The following XPO7 variants were observed in gnomAD, a reference collection of about 807,000 sequenced individuals.
XPO7 encodes exportin 7, also known as exportin-7.
In XPO7, 21 loss-of-function variants were observed where a neutral mutation model predicts 144.3. The ratio of observed to expected loss-of-function variants is 0.15; its 90% CI spans 0.10 to 0.21. The LOEUF (loss-of-function observed/expected upper bound fraction) is 0.21. Ranked by LOEUF, XPO7 falls within the 10% of genes least tolerant of loss-of-function variation. The pLI is 1.00. For synonymous variants in XPO7, 580 were observed against 499.6 expected, an observed-to-expected ratio of 1.16 and a Z score of -2.15; for missense variants, 808 against 1,325.8, an observed-to-expected ratio of 0.61 and a Z score of 6.06.
At chr8:21,939,354 C>T (rs1287240664) in intron 1 of XPO7, among the ~76,000 whole-genome samples, 1 of 151,742 alleles carries the variant, frequency 6.6e-6, no homozygotes, top group Non-Finnish European at 1.5e-5. Flanking sequence ...CCCGAGTAGC[C>T]GGATTACAGG....
intron 1 of XPO7, among the ~76,000 whole-genome samples, chr8:21,923,696 C>G (rs1014439654): frequency 9.2e-5 from 14 of 151,556 alleles, no homozygotes; most frequent in Non-Finnish European, 1.8e-4. Flanking sequence ...CAGGAAGATC[C>G]CTGTTCTATA....
At chr8:21,958,405 G>A (rs1400706470) in intron 1 of XPO7, among the ~76,000 whole-genome samples, 1 of 152,172 alleles carries the variant, frequency 6.6e-6, no homozygotes, top group African/African-American at 2.4e-5. Context: ...AAACCATATT[G>A]TTGATTTATT....
chr8:21,928,410 C>A (rs929351152), intron 1 of XPO7, among the ~76,000 whole-genome samples: 1 of 152,242 alleles, frequency 6.6e-6, no homozygotes, highest in Non-Finnish European at 1.5e-5. Context: ...ATATACCAGT[C>A]TCTGTATGGA....
rs775993582 is a variant in XPO7, at chr8:21,977,801, T to C, written c.795T>C (p.Phe265=). ...TAGATTCTTCAACCTTGCAGCTGTT[T>C]TTTGACCTGTATCATTCCATCCCTC... ...AFLDSSTLQL[F]FDLYHSIPPS... is the part of the protein sequence containing the mutation. The change falls in exon 8 of 28, where the codon TTT becomes TTC. Residue 265 remains phenylalanine, a synonymous_variant. Transcript: ENST00000252512. 1 of 1,614,038 alleles carries C rather than the reference T, an allele frequency of 6.2e-7. No homozygotes were observed. Among genetic ancestry groups the C allele is most frequent in the South Asian group, 1.1e-5 (1 of 91,070 alleles).
At chr8:21,978,917 G>C (rs956357903) in intron 8 of XPO7, among the ~76,000 whole-genome samples, 1 of 152,216 alleles carries the variant, frequency 6.6e-6, no homozygotes, top group Non-Finnish European at 1.5e-5. Flanking sequence ...AGGGAGCTTG[G>C]CTGCTCTCCT....
intron 15 of XPO7, among the ~76,000 whole-genome samples, chr8:21,988,095 T>G (rs1215244584): frequency 6.6e-6 from 1 of 152,232 alleles, no homozygotes; most frequent in Non-Finnish European, 1.5e-5. Flanking sequence ...CTCTTTAGCC[T>G]CTGGAATCAC....
intron 7 of XPO7, 106 bp from the exon 8 acceptor site, chr8:21,977,664 G>T: frequency 9.8e-7 from 1 of 1,016,616 alleles, no homozygotes; most frequent in Non-Finnish European, 1.5e-6. Flanking sequence ...TACTCTGTAA[G>T]ATAAGTAGGC....
chr8:21,954,812 G>A (rs866064131), intron 1 of XPO7, among the ~76,000 whole-genome samples: 1 of 152,170 alleles, frequency 6.6e-6, no homozygotes. Flanking sequence ...TATCTAGCCA[G>A]TAGGTTATCA....
chr8:21,947,719 T>C (rs1391659419), intron 1 of XPO7, among the ~76,000 whole-genome samples: 3 of 152,184 alleles, frequency 2.0e-5, no homozygotes, highest in Non-Finnish European at 2.9e-5. Flanking sequence ...TAAATTAGGC[T>C]GTGTTAAAAT....
Position 21,989,821 on chromosome 8 carries a change from CTTTTTTTTTTTTTTTTTTTT to C in XPO7, c.1869-496_1869-477del, listed in dbSNP as rs1170364778. Among the ~76,000 whole-genome samples, 83 of 59,702 alleles carry C rather than the reference CTTTTTTTTTTTTTTTTTTTT, an allele frequency of 1.4e-3. 6 individuals are homozygous for C. Among genetic ancestry groups the C allele is most frequent in the African/African-American group, 3.2e-3 (67 of 20,688 alleles). 39.2% of individuals were successfully genotyped at this position (59,702 alleles called of 152,430 possible). ...AATAGGAGTTTGGTATAGGTGTTTCCTTTTTTTTTTTTTTTTTTTTTTTTTTTTTTTTTTTTTTTTTTTTT... is the reference window on the plus strand; with the variant it reads ...AATAGGAGTTTGGTATAGGTGTTTCCTTTTTTTTTTTTTTTTTTTTTTTTT... On this transcript the variant is annotated intron_variant, in intron 16 of 27. Transcript: ENST00000252512.
chr8:21,927,558 T>G, intron 1 of XPO7, among the ~76,000 whole-genome samples: 2 of 139,094 alleles, frequency 1.4e-5, no homozygotes, highest in East Asian at 2.2e-4. Flanking sequence ...TTTTTTTTTT[T>G]TCTTAAGATG....
chr8:21,953,505 A>G (rs777205907), intron 1 of XPO7, among the ~76,000 whole-genome samples: 1 of 152,232 alleles, frequency 6.6e-6, no homozygotes, highest in Non-Finnish European at 1.5e-5. Context: ...TTGTGTAGAC[A>G]TAAGTTTTCA....
chr8:21,943,564 G>C (rs1389009926), intron 1 of XPO7, among the ~76,000 whole-genome samples: 2 of 152,176 alleles, frequency 1.3e-5, no homozygotes, highest in African/African-American at 4.8e-5. Context: ...ATTAAAGGGT[G>C]AGTCATTTTG....
intron 11 of XPO7, 40 bp from the exon 12 acceptor site, chr8:21,984,606 T>C: frequency 6.5e-7 from 1 of 1,541,530 alleles, no homozygotes; most frequent in Middle Eastern, 1.7e-4. Context: ...TCAGTAGTCA[T>C]ATTTTAAGAG....
intron 1 of XPO7, among the ~76,000 whole-genome samples, chr8:21,964,969 A>AGT (rs753345838): frequency 7.7e-4 from 117 of 152,268 alleles, no homozygotes; most frequent in Non-Finnish European, 1.2e-3. Flanking sequence ...CTGTTCAGGG[A>AGT]GTGTCTGTTC....
intron 24 of XPO7, 127 bp downstream of exon 24, chr8:21,999,801 T>A: frequency 8.2e-7 from 1 of 1,213,578 alleles, no homozygotes; most frequent in Non-Finnish European, 1.2e-6. Context: ...GCCATAACAA[T>A]AGAGTATATA....
intron 1 of XPO7, among the ~76,000 whole-genome samples, chr8:21,962,247 A>G (rs538613872): frequency 3.2e-4 from 49 of 152,356 alleles, no homozygotes; most frequent in Non-Finnish European, 5.9e-4. Context: ...TCTATAAACC[A>G]AGATGACTTT....
chr8:21,972,401 C>T (rs199844140), intron 5 of XPO7, among the ~76,000 whole-genome samples: 2 of 152,018 alleles, frequency 1.3e-5, no homozygotes, highest in African/African-American at 4.8e-5. Context: ...CGCTTGAACC[C>T]GGGAGGTGGA....
At chr8:21,956,042 T>C (rs1811524828) in intron 1 of XPO7, among the ~76,000 whole-genome samples, 1 of 152,092 alleles carries the variant, frequency 6.6e-6, no homozygotes. Context: ...GCTTACCTTT[T>C]TATGGAATTA....
Sources: gnomAD v4.1 joint callset for allele counts (sites outside exome capture counted in the v4.1 genomes callset) on GRCh38, gnomAD v4.1.1 for gene constraint, MANE v1.5 for transcripts, NCBI Gene and HGNC (gene_info 2026-07-23, HGNC 2026-07-21) for gene names.